MSH4: variants seen among roughly 807,000 people sequenced by gnomAD.
The protein encoded by MSH4 is mutS protein homolog 4.
In MSH4, 106 loss-of-function variants were observed where a neutral mutation model predicts 113.7. That is an observed-to-expected ratio of 0.93 (90% CI 0.80 to 1.10). The LOEUF (loss-of-function observed/expected upper bound fraction) is 1.10, where lower values mean the gene tolerates loss of function less well. MSH4 is among the 50% of genes least tolerant of loss of function. The pLI is 0.00. For missense variants in MSH4, 1,061 were observed against 1,093.7 expected (o/e 0.97, Z 0.42); for synonymous variants, 368 against 380.2 (o/e 0.97, Z 0.37).
intron 15 of MSH4, among the ~76,000 whole-genome samples, chr1:75,885,444 CAT>C (rs60096542): frequency 0.41 from 44,700 of 109,444 alleles, 9,444 homozygotes; most frequent in African/African-American, 0.48. Context: ...TGTGTATATA[CAT>C]ATATATATAT....
At chr1:75,835,807 T>G (rs916028644) in intron 7 of MSH4, among the ~76,000 whole-genome samples, 1 of 152,236 alleles carries the variant, frequency 6.6e-6, no homozygotes, top group Non-Finnish European at 1.5e-5. Flanking sequence ...TATCTTCTCT[T>G]CATCACTATG....
chr1:75,872,777 A>C (rs1651742750), intron 9 of MSH4, among the ~76,000 whole-genome samples: 1 of 152,254 alleles, frequency 6.6e-6, no homozygotes, highest in Admixed American at 6.5e-5. Flanking sequence ...AAATAACATT[A>C]AATTTTTAAA....
intron 8 of MSH4, among the ~76,000 whole-genome samples, chr1:75,860,831 C>T (rs576854825): frequency 6.6e-6 from 1 of 152,260 alleles, no homozygotes; most frequent in East Asian, 1.9e-4. Flanking sequence ...TGGGGAAGTT[C>T]TCCTGGATAA....
At chr1:75,817,060 CA>C (rs1228344004) in intron 6 of MSH4, among the ~76,000 whole-genome samples, 31 of 152,176 alleles carry the variant, frequency 2.0e-4, no homozygotes, top group African/African-American at 7.0e-4. Flanking sequence ...AAACTATGGG[CA>C]CAAACTGCCA....
intron 19 of MSH4, among the ~76,000 whole-genome samples, chr1:75,902,460 G>GT (rs1557532004): frequency 6.6e-6 from 1 of 151,308 alleles, no homozygotes. Context: ...GCAGTATTTG[G>GT]TTTTCTATTT....
chr1:75,908,148 G>GTTTT lies in MSH4; in HGVS notation c.2620-4536_2620-4533dup, dbSNP rs774325755. Among the ~76,000 whole-genome samples the GTTTT allele has an allele frequency of 1.2e-4, 15 of 129,428 alleles. 1 individual carries two copies. Among genetic ancestry groups the GTTTT allele is most frequent in the South Asian group, 2.5e-4 (1 of 4,026 alleles). 84.9% of individuals were successfully genotyped at this position (129,428 alleles called of 152,430 possible). On this transcript the variant is annotated intron_variant, in intron 19 of 19. Transcript: ENST00000263187. ...ATTTGATTTTTAAAAACTTTCATCT[G>GTTTT]TTTTTTTTTTTTTTTGAGACAGAGT... is the stretch of plus-strand genomic sequence containing the variant.
chr1:75,893,743 A>T (rs76079466), intron 17 of MSH4, among the ~76,000 whole-genome samples: 2 of 152,220 alleles, frequency 1.3e-5, no homozygotes, highest in African/African-American at 4.8e-5. Flanking sequence ...TCCATGGAAC[A>T]TGCATGGGAA....
At chr1:75,892,435 A>G (rs1368041621) in intron 17 of MSH4, among the ~76,000 whole-genome samples, 1 of 149,654 alleles carries the variant, frequency 6.7e-6, no homozygotes, top group Non-Finnish European at 1.5e-5. Context: ...CCCCCTCTCT[A>G]TTGGTCCTCT....
At position 75,816,510 on chromosome 1, in the gene MSH4, A is replaced by G. The variant is rs748561139; in HGVS notation, c.953A>G (p.Gln318Arg). The change falls in exon 6 of 20, where the codon CAA becomes CGA. Residue 318 changes from glutamine to arginine, a missense_variant. Transcript: ENST00000263187. ...GCCATGATAGATTCATCATCAGCCC[A>G]AAACCTTGAATTGTTAATTAATAAT... ...QTAMIDSSSA[Q>R]NLELLINNQD... The G allele has an allele frequency of 1.9e-6, 3 of 1,595,144 alleles. No individual in the cohort carries two copies. In the East Asian group the frequency reaches 6.7e-5, roughly 36 times the overall value.
chr1:75,910,121 T>A (rs1288744954), intron 19 of MSH4, among the ~76,000 whole-genome samples: 1 of 152,188 alleles, frequency 6.6e-6, no homozygotes, highest in Non-Finnish European at 1.5e-5. Flanking sequence ...ATTATTTCAT[T>A]TTCTTTTTAC....
intron 15 of MSH4, among the ~76,000 whole-genome samples, chr1:75,885,822 T>C (rs1192431758): frequency 1.6e-5 from 2 of 125,984 alleles, no homozygotes; most frequent in East Asian, 4.5e-4. Flanking sequence ...TTATGTATAG[T>C]ATATGTAATG....
intron 15 of MSH4, among the ~76,000 whole-genome samples, chr1:75,886,829 T>C (rs1413179049): frequency 3.9e-5 from 1 of 25,954 alleles, no homozygotes; most frequent in East Asian, 1.1e-3. Context: ...CTGGTACATA[T>C]ATATATATAT....
intron 4 of MSH4, among the ~76,000 whole-genome samples, chr1:75,814,253 C>T (rs1310188483): frequency 1.4e-5 from 2 of 138,040 alleles, no homozygotes; most frequent in African/African-American, 5.5e-5. Flanking sequence ...AGGAGTTTGA[C>T]ACCAGCCTGG....
chr1:75,838,989 G>A (rs1650892478), intron 7 of MSH4, among the ~76,000 whole-genome samples: 1 of 152,036 alleles, frequency 6.6e-6, no homozygotes, highest in Admixed American at 6.6e-5. Context: ...TATAAGGCTA[G>A]GACATAACAG....
intron 19 of MSH4, among the ~76,000 whole-genome samples, chr1:75,911,937 C>A (rs1278436686): frequency 6.6e-6 from 1 of 152,002 alleles, no homozygotes; most frequent in African/African-American, 2.4e-5. Flanking sequence ...CTAGTTCAGG[C>A]AAAGAGGTGA....
In MSH4 at chr1:75,912,844, A is replaced by T. The variant is rs761860673; in HGVS notation, c.2768A>T (p.Asp923Val). Residue 923 changes from aspartate (D) to valine (V), a missense_variant, in exon 20 of 20, where the codon GAT becomes GTT. Physicochemically the swap from Asp to Val is radical, Grantham distance 152. Transcript: ENST00000263187. ...LSNLKKKYKE[D>V]FPRTEQVPEK... is the part of the protein sequence containing the mutation. ...AACCTCAAGAAGAAGTACAAAGAAG[A>T]TTTTCCCAGGACTGAACAAGTTCCA... 6.3e-7 allele frequency: 1 copy of T among 1,578,566 alleles called. No individual in the cohort carries two copies. The highest frequency in any genetic ancestry group is 1.4e-5 in the African/African-American group (1 of 72,860).
intron 15 of MSH4, among the ~76,000 whole-genome samples, chr1:75,886,794 T>C (rs1261647687): frequency 1.6e-5 from 2 of 127,644 alleles, no homozygotes; most frequent in African/African-American, 5.8e-5. Context: ...TTATATATAC[T>C]AAACAGTATA....
chr1:75,806,188 A>C (rs1355987912), intron 2 of MSH4, among the ~76,000 whole-genome samples: 1 of 147,194 alleles, frequency 6.8e-6, no homozygotes, highest in African/African-American at 2.5e-5. Flanking sequence ...TTGTAGCAAT[A>C]CTTTATATAT....
chr1:75,798,147 A>G (rs1486659902), intron 1 of MSH4, among the ~76,000 whole-genome samples: 1 of 152,098 alleles, frequency 6.6e-6, no homozygotes, highest in African/African-American at 2.4e-5. Flanking sequence ...TTATTTTTAG[A>G]AACAGAGTCT....
Sources: allele counts gnomAD v4.1 joint callset (sites outside exome capture counted in the v4.1 genomes callset), GRCh38; gene constraint gnomAD v4.1.1; transcripts MANE v1.5; gene names NCBI Gene and HGNC (gene_info 2026-07-23, HGNC 2026-07-21).